The following CMPK1 variants were observed in gnomAD, a reference collection of about 807,000 sequenced individuals.
The protein encoded by CMPK1 is cytidine/uridine monophosphate kinase 1, also known as UMP-CMP kinase.
CMPK1 carries 10 observed loss-of-function variants against 25.7 expected under a neutral mutation model. The observed-to-expected ratio is 0.39, with a 90% CI of 0.24 to 0.66. The LOEUF is 0.66. CMPK1 is among the 30% of genes least tolerant of loss of function. The pLI is 0.48. For missense variants in CMPK1, 199 were observed against 280.5 expected (o/e 0.71, Z 2.08); for synonymous variants, 106 against 101.5 (o/e 1.04, Z -0.27).
At chr1:47,362,716 G>A (rs1486876073) in intron 1 of CMPK1, among the ~76,000 whole-genome samples, 1 of 152,164 alleles carries the variant, frequency 6.6e-6, no homozygotes, top group Non-Finnish European at 1.5e-5. Context: ...ATTTAGCTTC[G>A]TTGAGAACTT....
chr1:47,345,805 G>T (rs1646479524), intron 1 of CMPK1, among the ~76,000 whole-genome samples: 1 of 151,224 alleles, frequency 6.6e-6, no homozygotes, highest in Non-Finnish European at 1.5e-5. Flanking sequence ...GTCCAGGCTG[G>T]AGTGCAATGG....
chr1:47,360,220 G>A (rs1412241478), intron 1 of CMPK1, among the ~76,000 whole-genome samples: 2 of 152,090 alleles, frequency 1.3e-5, no homozygotes, highest in African/African-American at 2.4e-5. Context: ...CTCCATCTTT[G>A]ACCATTTTCC....
In CMPK1 at chr1:47,368,364, T is replaced by C. The variant is rs540094424; in HGVS notation, c.172-105T>C. The C allele has an allele frequency of 2.6e-5, 24 of 918,836 alleles. No homozygotes were observed. In the Admixed American group the frequency reaches 2.8e-4, roughly 11 times the overall value. 56.9% of individuals were successfully genotyped at this position (918,836 alleles called of 1,614,324 possible). On this transcript the variant is annotated intron_variant, in intron 1 of 5. Transcript: ENST00000371873. ...TTAATATACAAGCAAAACTTCTTTATTGTAGAAAAATTAGAATATAGAAAT... is the reference window on the plus strand; with the variant it reads ...TTAATATACAAGCAAAACTTCTTTACTGTAGAAAAATTAGAATATAGAAAT...
chr1:47,338,406 T>A (rs1646415127), intron 1 of CMPK1, among the ~76,000 whole-genome samples: 1 of 152,158 alleles, frequency 6.6e-6, no homozygotes, highest in Admixed American at 6.6e-5. Flanking sequence ...TCTGAGAGTG[T>A]TCTGTACTGG....
chr1:47,356,964 CTTTT>C (rs11286214), intron 1 of CMPK1, among the ~76,000 whole-genome samples: 11 of 119,286 alleles, frequency 9.2e-5, no homozygotes, highest in Non-Finnish European at 8.9e-5. Context: ...CCTGGTCTGC[CTTTT>C]TTTTTTTTTT....
intron 1 of CMPK1, among the ~76,000 whole-genome samples, chr1:47,355,288 C>T (rs1420444895): frequency 6.6e-6 from 1 of 150,606 alleles, no homozygotes; most frequent in African/African-American, 2.4e-5. Context: ...TCAGGTGATC[C>T]GCCTGCCTTG....
chr1:47,342,649 CTT>C lies in CMPK1; in HGVS notation c.171+8550_171+8551del, dbSNP rs11334963. Among the ~76,000 whole-genome samples, 313 of 116,366 alleles carry C rather than the reference CTT, an allele frequency of 2.7e-3. 2 individuals are homozygous for C. The highest frequency in any genetic ancestry group is 6.8e-3 in the African/African-American group (229 of 33,656). The allele number at this position is 116,366 out of a possible 152,430, so 76.3% of individuals were successfully genotyped here. Reference sequence around the variant, plus strand: ...GAATCTTTTCCTTTTTCTCTTTTTTCTTTTTTTTTTTTTTTTTTGAGACAGGG... The same window carrying C: ...GAATCTTTTCCTTTTTCTCTTTTTTCTTTTTTTTTTTTTTTTGAGACAGGG... On this transcript the variant is annotated intron_variant, in intron 1 of 5. Coordinates refer to ENST00000371873, the MANE Select transcript of CMPK1 (RefSeq NM_016308.3).
intron 1 of CMPK1, among the ~76,000 whole-genome samples, chr1:47,339,268 C>G (rs1278416969): frequency 6.6e-6 from 1 of 152,102 alleles, no homozygotes; most frequent in Non-Finnish European, 1.5e-5. Flanking sequence ...CCTCAGCTTC[C>G]TAAAGTACTG....
Position 47,333,845 on chromosome 1 carries a change from G to A in CMPK1, c.-101G>A. The A allele has an allele frequency of 5.1e-6, 4 of 788,896 alleles. No individual in the cohort carries two copies. The highest frequency in any genetic ancestry group is 6.2e-6 in the Non-Finnish European group (4 of 643,664). 48.9% of individuals were successfully genotyped at this position (788,896 alleles called of 1,614,324 possible). On this transcript the variant is annotated 5_prime_UTR_variant, in exon 1 of 6. Transcript: ENST00000371873. ...AGCCACGGCGGCGGGGCCGCGGCGG[G>A]CGCCGGCTCAGCCCGCCCCTTTCTC... is the stretch of plus-strand genomic sequence containing the variant.
chr1:47,337,580 A>G (rs1170414560), intron 1 of CMPK1, among the ~76,000 whole-genome samples: 3 of 151,242 alleles, frequency 2.0e-5, no homozygotes, highest in South Asian at 2.1e-4. Flanking sequence ...AGCAATTGCT[A>G]TTCCCTAGCT....
chr1:47,349,154 G>A (rs567802492), intron 1 of CMPK1, among the ~76,000 whole-genome samples: 1 of 152,254 alleles, frequency 6.6e-6, no homozygotes, highest in Non-Finnish European at 1.5e-5. Context: ...TGCAAGCCAG[G>A]ACATAACAAA....
intron 1 of CMPK1, among the ~76,000 whole-genome samples, chr1:47,340,787 G>A (rs966552284): frequency 6.6e-6 from 1 of 152,062 alleles, no homozygotes; most frequent in African/African-American, 2.4e-5. Flanking sequence ...ACAGGCATGC[G>A]CCACCATGCC....
intron 1 of CMPK1, among the ~76,000 whole-genome samples, chr1:47,348,283 AGT>A (rs1204531245): frequency 6.6e-6 from 1 of 152,142 alleles, no homozygotes; most frequent in Non-Finnish European, 1.5e-5. Context: ...ATGTTGGCCT[AGT>A]CACACTGATT....
chr1:47,346,735 C>T (rs1018408565), intron 1 of CMPK1, among the ~76,000 whole-genome samples: 7 of 152,014 alleles, frequency 4.6e-5, no homozygotes, highest in Non-Finnish European at 7.4e-5. Context: ...AACCTCAGAC[C>T]TCAGGTGATT....
chr1:47,342,987 TA>T (rs1465571301), intron 1 of CMPK1, among the ~76,000 whole-genome samples: 3 of 62,302 alleles, frequency 4.8e-5, no homozygotes, highest in Admixed American at 2.8e-4. Flanking sequence ...TAACCATTTG[TA>T]TTTTTTTTTT....
At chr1:47,335,356 T>A (rs2149322675) in intron 1 of CMPK1, among the ~76,000 whole-genome samples, 1 of 152,276 alleles carries the variant, frequency 6.6e-6, no homozygotes, top group South Asian at 2.1e-4. Context: ...ATTGATCATT[T>A]TGCCAGGCGC....
At position 47,338,166 on chromosome 1, in the gene CMPK1, C is replaced by A. The variant is rs538818959; in HGVS notation, c.171+4050C>A. Among the ~76,000 whole-genome samples the A allele has an allele frequency of 7.9e-5, 12 of 152,238 alleles. No individual in the cohort carries two copies. The South Asian group carries it at 1.9e-3, about 24-fold the overall frequency. On this transcript the variant is annotated intron_variant, in intron 1 of 5. Transcript: ENST00000371873. ...TTAGTATGTTGATTTCCAACTCAGG[C>A]TGCCAGAAGTACATATTTGAGTCCT... is the stretch of plus-strand genomic sequence containing the variant.
At chr1:47,337,615 AT>A (rs34419291) in intron 1 of CMPK1, among the ~76,000 whole-genome samples, 53,846 of 141,478 alleles carry the variant, frequency 0.38, 11,429 homozygotes, top group Non-Finnish European at 0.49. Flanking sequence ...TGGAATATCT[AT>A]TTTTTTTTTT....
At chr1:47,357,112 C>G (rs1202944008) in intron 1 of CMPK1, among the ~76,000 whole-genome samples, 1 of 151,616 alleles carries the variant, frequency 6.6e-6, no homozygotes, top group Non-Finnish European at 1.5e-5. Flanking sequence ...TACAGGCACC[C>G]GCCACCACAC....
Sources: allele counts gnomAD v4.1 joint callset (sites outside exome capture counted in the v4.1 genomes callset), GRCh38; gene constraint gnomAD v4.1.1; transcripts MANE v1.5; gene names NCBI Gene and HGNC (gene_info 2026-07-23, HGNC 2026-07-21).